Variants in SFXN5 observed in about 807,000 individuals in gnomAD.
SFXN5 encodes the protein sideroflexin-5.
Under a neutral mutation model 50.2 loss-of-function variants are expected in SFXN5, and 43 were observed. The ratio of observed to expected loss-of-function variants is 0.86; its 90% CI spans 0.67 to 1.11. The LOEUF is 1.11. SFXN5 is among the 50% of genes least tolerant of loss of function. The pLI is 0.00. For synonymous variants in SFXN5, 203 were observed against 185.8 expected, an observed-to-expected ratio of 1.09 and a Z score of -0.75; for missense variants, 463 against 454.1, an observed-to-expected ratio of 1.02 and a Z score of -0.18.
At chr2:73,005,979 C>T (rs530749426) in intron 6 of SFXN5, among the ~76,000 whole-genome samples, 30 of 152,244 alleles carry the variant, frequency 2.0e-4, no homozygotes, top group Admixed American at 5.2e-4. Flanking sequence ...TGCACCCATA[C>T]CCTTGCCACG....
intron 3 of SFXN5, among the ~76,000 whole-genome samples, chr2:73,039,308 T>C (rs1297055828): frequency 6.6e-6 from 1 of 152,130 alleles, no homozygotes; most frequent in Non-Finnish European, 1.5e-5. Flanking sequence ...TATGACTGTA[T>C]TGAAAGGCCG....
intron 3 of SFXN5, among the ~76,000 whole-genome samples, chr2:73,036,458 A>G (rs1486518160): frequency 6.6e-6 from 1 of 152,170 alleles, no homozygotes; most frequent in Non-Finnish European, 1.5e-5. Flanking sequence ...GGCATCACCA[A>G]CATGAGCCAG....
chr2:72,946,772 G>A (rs945994404), intron 13 of SFXN5, among the ~76,000 whole-genome samples: 8 of 152,170 alleles, frequency 5.3e-5, no homozygotes, highest in South Asian at 2.1e-4. Flanking sequence ...AGCCCAGTCC[G>A]TCCCCAACCA....
At chr2:72,994,986 TGA>T (rs1673041764) in intron 9 of SFXN5, 3 of 152,270 alleles carry the variant, frequency 2.0e-5, no homozygotes, top group Non-Finnish European at 2.9e-5. Context: ...CAGCCCTGTG[TGA>T]AGTAGGGGCC....
intron 9 of SFXN5, among the ~76,000 whole-genome samples, chr2:72,991,975 A>C (rs1056849888): frequency 1.3e-5 from 2 of 152,240 alleles, no homozygotes; most frequent in African/African-American, 4.8e-5. Flanking sequence ...CAGGAGCTCC[A>C]TTTTGGTAGA....
chr2:73,000,918 C>T (rs1443493211), intron 7 of SFXN5, among the ~76,000 whole-genome samples: 1 of 152,244 alleles, frequency 6.6e-6, no homozygotes, highest in Admixed American at 6.5e-5. Context: ...CCTGCACCTC[C>T]AGTTCCCAGA....
intron 10 of SFXN5, chr2:72,981,016 C>G (rs1373055232): frequency 1.3e-5 from 2 of 152,194 alleles, no homozygotes; most frequent in African/African-American, 4.8e-5. Context: ...TACGGTATGC[C>G]AGATCCTGAG....
At chr2:72,970,271 G>T (rs1016946405) in intron 11 of SFXN5, among the ~76,000 whole-genome samples, 1 of 152,194 alleles carries the variant, frequency 6.6e-6, no homozygotes, top group South Asian at 2.1e-4. Context: ...GGCTCTTCAT[G>T]GTCAGCCTCA....
intron 2 of SFXN5, among the ~76,000 whole-genome samples, chr2:73,057,582 T>A (rs564385692): frequency 6.6e-6 from 1 of 152,092 alleles, no homozygotes; most frequent in African/African-American, 2.4e-5. Flanking sequence ...CAGGGAGGAA[T>A]TGATTATAAA....
intron 3 of SFXN5, among the ~76,000 whole-genome samples, chr2:73,030,312 GTCT>G (rs1678140885): frequency 2.0e-5 from 3 of 152,044 alleles, no homozygotes; most frequent in African/African-American, 7.3e-5. Flanking sequence ...ACAGAAAGCA[GTCT>G]TATTCTTCCG....
chr2:72,980,295 T>C (rs1160317901), intron 10 of SFXN5, among the ~76,000 whole-genome samples: 1 of 152,204 alleles, frequency 6.6e-6, no homozygotes, highest in Non-Finnish European at 1.5e-5. Context: ...GGTTCTCATG[T>C]CCCTGCCCGG....
chr2:73,065,422 T>TA (rs1369069768), intron 1 of SFXN5, among the ~76,000 whole-genome samples: 1 of 148,700 alleles, frequency 6.7e-6, no homozygotes, highest in African/African-American at 2.5e-5. Flanking sequence ...TTTTTTGAGA[T>TA]AGAGTTTCGC....
chr2:72,981,626 C>G (rs1262111345), intron 10 of SFXN5, among the ~76,000 whole-genome samples: 1 of 152,184 alleles, frequency 6.6e-6, no homozygotes, highest in Non-Finnish European at 1.5e-5. Flanking sequence ...CCCTGGGACA[C>G]TAGACACTTT....
rs186731617 is a variant in SFXN5, at chr2:73,014,752, G to A, written c.357+5487C>T. 9.2e-4 allele frequency among the ~76,000 whole-genome samples: 140 copies of A among 151,822 alleles called. 1 individual carries two copies. The highest frequency in any genetic ancestry group is 1.1e-3 in the Non-Finnish European group (72 of 67,974). On this transcript the variant is annotated intron_variant, in intron 6 of 13. Coordinates refer to ENST00000272433, the MANE Select transcript of SFXN5 (RefSeq NM_144579.3). ...TGAATTTATTTTTATATCCCTTATTGTCTAAAATACTATTGTAAATGACAT... is the reference window on the plus strand; with the variant it reads ...TGAATTTATTTTTATATCCCTTATTATCTAAAATACTATTGTAAATGACAT...
chr2:73,021,725 GC>G (rs1676920788), intron 5 of SFXN5, among the ~76,000 whole-genome samples: 1 of 152,166 alleles, frequency 6.6e-6, no homozygotes, highest in Admixed American at 6.5e-5. Context: ...CAGCAGCAGT[GC>G]CCTCCCATTC....
At chr2:72,947,837 C>T (rs1672136249) in intron 13 of SFXN5, among the ~76,000 whole-genome samples, 1 of 150,188 alleles carries the variant, frequency 6.7e-6, no homozygotes, top group Non-Finnish European at 1.5e-5. Context: ...CTGCCACCCC[C>T]AGTCCCCTCC....
At chr2:72,954,255 G>C (rs1672836505) in intron 13 of SFXN5, among the ~76,000 whole-genome samples, 1 of 152,156 alleles carries the variant, frequency 6.6e-6, no homozygotes, top group African/African-American at 2.4e-5. Flanking sequence ...GAGTTCCCAG[G>C]GCTGACATGG....
intron 10 of SFXN5, among the ~76,000 whole-genome samples, chr2:72,976,077 T>A (rs1045088625): frequency 3.9e-5 from 6 of 152,334 alleles, no homozygotes; most frequent in Admixed American, 2.6e-4. Flanking sequence ...ATTTACTGTA[T>A]GTAAAACCCT....
chr2:73,011,506 C>A (rs557652812), intron 6 of SFXN5, among the ~76,000 whole-genome samples: 1 of 152,120 alleles, frequency 6.6e-6, no homozygotes, highest in East Asian at 1.9e-4. Context: ...GGAGAAGAGA[C>A]GTGCCATATA....
Sources: allele counts gnomAD v4.1 joint callset (sites outside exome capture counted in the v4.1 genomes callset), GRCh38; gene constraint gnomAD v4.1.1; transcripts MANE v1.5; gene names NCBI Gene and HGNC (gene_info 2026-07-23, HGNC 2026-07-21).